The following GALNTL6 variants were observed in gnomAD, a reference collection of about 807,000 sequenced individuals.
The protein encoded by GALNTL6 is polypeptide N-acetylgalactosaminyltransferase-like 6.
Under a neutral mutation model 73.7 loss-of-function variants are expected in GALNTL6, and 46 were observed. That is an observed-to-expected ratio of 0.62 (90% CI 0.49 to 0.80). GALNTL6 has a LOEUF of 0.80. Ranked by LOEUF, GALNTL6 falls within the 30% of genes least tolerant of loss-of-function variation. The pLI is 0.00. For missense variants in GALNTL6, 604 were observed against 755.0 expected, an observed-to-expected ratio of 0.80 and a Z score of 2.34; for synonymous variants, 259 against 263.7, an observed-to-expected ratio of 0.98 and a Z score of 0.17.
At chr4:172,984,365 G>C (rs1004128044) in intron 10 of GALNTL6, among the ~76,000 whole-genome samples, 1 of 152,154 alleles carries the variant, frequency 6.6e-6, no homozygotes, top group African/African-American at 2.4e-5. Context: ...AAAACCATCA[G>C]ATCTCAGGAG....
chr4:172,610,950 T>A (rs1207782503), intron 5 of GALNTL6, among the ~76,000 whole-genome samples: 1 of 152,120 alleles, frequency 6.6e-6, no homozygotes, highest in African/African-American at 2.4e-5. Flanking sequence ...TGGCCTTGTC[T>A]TTTTGGATCA....
chr4:172,957,809 G>A (rs1015583938), intron 10 of GALNTL6, among the ~76,000 whole-genome samples: 1 of 152,200 alleles, frequency 6.6e-6, no homozygotes, highest in Non-Finnish European at 1.5e-5. Flanking sequence ...GAGAGGTAGT[G>A]GAGGGGGGCA....
At chr4:172,773,860 C>T (rs1738915315) in intron 5 of GALNTL6, among the ~76,000 whole-genome samples, 1 of 152,030 alleles carries the variant, frequency 6.6e-6, no homozygotes, top group African/African-American at 2.4e-5. Flanking sequence ...ATAGTATGTT[C>T]TCTAAATTAT....
intron 2 of GALNTL6, among the ~76,000 whole-genome samples, chr4:171,904,436 T>C (rs1459337066): frequency 1.3e-5 from 2 of 151,750 alleles, no homozygotes; most frequent in African/African-American, 4.8e-5. Flanking sequence ...AGAAGGGAAG[T>C]TCGGAGAAAA....
At chr4:172,798,223 T>C (rs1480228065) in intron 5 of GALNTL6, among the ~76,000 whole-genome samples, 1 of 152,218 alleles carries the variant, frequency 6.6e-6, no homozygotes, top group African/African-American at 2.4e-5. Flanking sequence ...AGTCCCAGTT[T>C]TTAGAGATGA....
In GALNTL6 at chr4:171,909,778, A is replaced by G. The variant is rs564257142; in HGVS notation, c.138+95060A>G. 3.1e-4 allele frequency among the ~76,000 whole-genome samples: 47 copies of G among 152,278 alleles called. No individual in the cohort carries two copies. The East Asian group carries it at 7.5e-3, about 24-fold the overall frequency. ...TTGTATTATATTAAAATGCTTTTCT[A>G]TTTGTTAAAAACCATAATGAGTGTA... On this transcript the variant is annotated intron_variant, in intron 2 of 12. Transcript: ENST00000506823.
rs1201270837 is a variant in GALNTL6, at chr4:172,936,898, G to A, written c.1149+5630G>A. 5.9e-5 allele frequency among the ~76,000 whole-genome samples: 9 copies of A among 152,112 alleles called. 1 individual carries two copies. Among genetic ancestry groups the A allele is most frequent in the Admixed American group, 5.9e-4 (9 of 15,260 alleles). ...GAGTAAAAGGGATAGAGGTTAAATG[G>A]TAAAGGAGTAGAGCTGGGTCTATGA... is the stretch of plus-strand genomic sequence containing the variant. On this transcript the variant is annotated intron_variant, in intron 9 of 12. Transcript: ENST00000506823.
chr4:172,306,878 G>T (rs1469439743), intron 3 of GALNTL6, among the ~76,000 whole-genome samples: 2 of 152,106 alleles, frequency 1.3e-5, no homozygotes, highest in Admixed American at 1.3e-4. Context: ...GAGCATTTAG[G>T]CTGGTTCCAT....
intron 10 of GALNTL6, among the ~76,000 whole-genome samples, chr4:172,973,499 G>A (rs1030254018): frequency 1.3e-5 from 2 of 152,102 alleles, no homozygotes; most frequent in Non-Finnish European, 2.9e-5. Flanking sequence ...GAGAAAAGAG[G>A]AGATAGGAGG....
chr4:172,964,013 G>A (rs1750209959), intron 10 of GALNTL6, among the ~76,000 whole-genome samples: 1 of 152,188 alleles, frequency 6.6e-6, no homozygotes. Context: ...GTAGAGTGGG[G>A]AGGTGATGAG....
chr4:171,994,255 G>A (rs1417550325), intron 2 of GALNTL6, among the ~76,000 whole-genome samples: 3 of 152,038 alleles, frequency 2.0e-5, no homozygotes, highest in South Asian at 2.1e-4. Flanking sequence ...CTCAAACATT[G>A]CTAATACTAG....
intron 2 of GALNTL6, among the ~76,000 whole-genome samples, chr4:172,036,862 T>C (rs1329341860): frequency 6.6e-6 from 1 of 152,146 alleles, no homozygotes; most frequent in Non-Finnish European, 1.5e-5. Flanking sequence ...CTTGAAATAA[T>C]ATCTCTTTTG....
At chr4:171,993,977 G>A (rs1221498654) in intron 2 of GALNTL6, among the ~76,000 whole-genome samples, 2 of 151,888 alleles carry the variant, frequency 1.3e-5, no homozygotes, top group East Asian at 3.9e-4. Context: ...TTGTTCCTGG[G>A]ATTAAAGAAT....
chr4:172,430,409 T>C (rs1020380545), intron 5 of GALNTL6, among the ~76,000 whole-genome samples: 9 of 152,096 alleles, frequency 5.9e-5, no homozygotes, highest in African/African-American at 1.4e-4. Flanking sequence ...AATCGAATTA[T>C]AGAAAGCGTA....
chr4:172,019,236 A>C (rs1741317856), intron 2 of GALNTL6, among the ~76,000 whole-genome samples: 4 of 152,136 alleles, frequency 2.6e-5, no homozygotes, highest in Admixed American at 2.6e-4. Context: ...TGGGAAATGC[A>C]CATTAGTCCT....
intron 2 of GALNTL6, among the ~76,000 whole-genome samples, chr4:171,878,693 A>G (rs1399678519): frequency 6.6e-6 from 1 of 152,136 alleles, no homozygotes. Flanking sequence ...GAAATGATCG[A>G]TGGTTCATGA....
intron 2 of GALNTL6, among the ~76,000 whole-genome samples, chr4:172,060,267 T>C (rs1032133106): frequency 6.6e-6 from 1 of 152,214 alleles, no homozygotes; most frequent in Non-Finnish European, 1.5e-5. Flanking sequence ...CAAATATTTC[T>C]GTATGTACAT....
intron 2 of GALNTL6, among the ~76,000 whole-genome samples, chr4:171,824,307 C>T (rs1176660546): frequency 2.0e-5 from 3 of 151,700 alleles, no homozygotes; most frequent in Non-Finnish European, 1.5e-5. Context: ...TCAATATGCA[C>T]AGTGGTGAAG....
intron 5 of GALNTL6, among the ~76,000 whole-genome samples, chr4:172,567,505 T>C (rs1736600586): frequency 1.3e-5 from 2 of 152,182 alleles, no homozygotes; most frequent in Admixed American, 1.3e-4. Flanking sequence ...ACATATCTTT[T>C]TCTAATATGT....
Sources: gnomAD v4.1 joint callset for allele counts (sites outside exome capture counted in the v4.1 genomes callset) on GRCh38, gnomAD v4.1.1 for gene constraint, MANE v1.5 for transcripts, NCBI Gene and HGNC (gene_info 2026-07-23, HGNC 2026-07-21) for gene names.